Variants in FIG4 observed in about 807,000 individuals in gnomAD.
The protein encoded by FIG4 is FIG4 phosphoinositide 5-phosphatase.
In FIG4, 112 loss-of-function variants were observed where a neutral mutation model predicts 118.6. The ratio of observed to expected loss-of-function variants is 0.94; its 90% confidence interval spans 0.81 to 1.11. The LOEUF (loss-of-function observed/expected upper bound fraction) is 1.11. FIG4 is among the 50% of genes least tolerant of loss of function. The pLI is 0.00. For missense variants in FIG4, 969 were observed against 1,111.7 expected (o/e 0.87, Z 1.83); for synonymous variants, 369 against 381.2 (o/e 0.97, Z 0.37).
At chr6:109,814,993 C>T (rs1562698814) in intron 22 of FIG4, among the ~76,000 whole-genome samples, 1 of 151,840 alleles carries the variant, frequency 6.6e-6, no homozygotes, top group South Asian at 2.1e-4. Context: ...TAAGTATATA[C>T]ATGCATATCT....
chr6:109,719,035 C>A (rs1775525657), intron 3 of FIG4, among the ~76,000 whole-genome samples: 1 of 151,614 alleles, frequency 6.6e-6, no homozygotes, highest in Admixed American at 6.6e-5. Flanking sequence ...TCTCGTGCCT[C>A]AGCCTCCCGA....
At chr6:109,815,496 C>CTCCCT (rs58181285) in intron 22 of FIG4, among the ~76,000 whole-genome samples, 1 of 106,490 alleles carries the variant, frequency 9.4e-6, no homozygotes, top group Non-Finnish European at 1.7e-5. Flanking sequence ...CTCCAGGCTG[C>CTCCCT]CCCCCCCACC....
chr6:109,726,964 T>G (rs529372146), intron 3 of FIG4, 145 bp from the exon 4 acceptor site: 1 of 692,458 alleles, frequency 1.4e-6, no homozygotes, highest in South Asian at 1.7e-5. Flanking sequence ...AGAATAATCC[T>G]AAGACACCTG....
At chr6:109,695,029 G>T (rs1235803149) in intron 1 of FIG4, among the ~76,000 whole-genome samples, 2 of 152,138 alleles carry the variant, frequency 1.3e-5, no homozygotes, top group Non-Finnish European at 2.9e-5. Context: ...CAGTATGGAG[G>T]TTCCTCAAAA....
intron 15 of FIG4, among the ~76,000 whole-genome samples, chr6:109,773,030 C>T (rs1486041802): frequency 6.6e-6 from 1 of 152,296 alleles, no homozygotes; most frequent in East Asian, 1.9e-4. Context: ...GACTGATGTC[C>T]CATGTCCTTG....
chr6:109,792,739 T>G, intron 21 of FIG4, 75 bp downstream of exon 21: 1 of 281,380 alleles, frequency 3.6e-6, no homozygotes, highest in South Asian at 4.8e-5. Context: ...ACTATACCTT[T>G]TTTTTTTTTT....
At chr6:109,773,678 T>C (rs1253865008) in intron 15 of FIG4, among the ~76,000 whole-genome samples, 1 of 152,112 alleles carries the variant, frequency 6.6e-6, no homozygotes. Flanking sequence ...CTATTCTTGT[T>C]GTTTGTTTGT....
intron 10 of FIG4, among the ~76,000 whole-genome samples, chr6:109,748,440 G>A (rs2128388034): frequency 6.6e-6 from 1 of 152,204 alleles, no homozygotes; most frequent in Admixed American, 6.5e-5. Flanking sequence ...GTGGATTGCA[G>A]TCCTCACGAG....
Position 109,741,825 on chromosome 6 carries a change from A to G in FIG4, c.876+281A>G, listed in dbSNP as rs77985112. On this transcript the variant is annotated intron_variant, in intron 8 of 22. Coordinates refer to ENST00000230124, the MANE Select transcript of FIG4 (RefSeq NM_014845.6). ...TTAAATCATCTCTAGATTACTTCTA[A>G]TATCTAATATGATGTAAATGCTATG... is the stretch of plus-strand genomic sequence containing the variant. 4.0e-3 allele frequency among the ~76,000 whole-genome samples: 607 copies of G among 152,234 alleles called. 18 individuals carry two copies. In the East Asian group the frequency reaches 0.061, roughly 15 times the overall value.
intron 15 of FIG4, among the ~76,000 whole-genome samples, chr6:109,767,106 G>A (rs1369025739): frequency 1.3e-5 from 2 of 152,074 alleles, no homozygotes; most frequent in Non-Finnish European, 2.9e-5. Context: ...TTGCATTTTG[G>A]CACCCATAAT....
intron 10 of FIG4, among the ~76,000 whole-genome samples, chr6:109,751,854 A>G (rs1308561290): frequency 7.5e-6 from 1 of 134,172 alleles, no homozygotes; most frequent in Middle Eastern, 3.8e-3. Context: ...TATTATTATT[A>G]TACTTTAAGT....
chr6:109,691,751 A>G (rs945414181), intron 1 of FIG4, among the ~76,000 whole-genome samples: 3 of 152,188 alleles, frequency 2.0e-5, no homozygotes, highest in Admixed American at 6.5e-5. Flanking sequence ...CACGCTGGAA[A>G]CAGGTGCTTG....
intron 1 of FIG4, among the ~76,000 whole-genome samples, chr6:109,710,735 A>C (rs932465884): frequency 1.3e-5 from 2 of 151,786 alleles, no homozygotes; most frequent in South Asian, 4.1e-4. Flanking sequence ...GAATTTATCT[A>C]TTTCTTCTAG....
chr6:109,707,162 A>T (rs1775094213), intron 1 of FIG4, among the ~76,000 whole-genome samples: 1 of 151,930 alleles, frequency 6.6e-6, no homozygotes, highest in Admixed American at 6.6e-5. Flanking sequence ...TGTGGGATTG[A>T]ATTTCTTGAC....
chr6:109,726,961 T>C, intron 3 of FIG4, 148 bp from the exon 4 acceptor site: 1 of 680,730 alleles, frequency 1.5e-6, no homozygotes, highest in East Asian at 2.7e-5. Context: ...TAGAGAATAA[T>C]CCTAAGACAC....
rs747897411 is a variant in FIG4, at chr6:109,693,864, A to AT, written c.66+2375dup. On this transcript the variant is annotated intron_variant, in intron 1 of 22. Transcript: ENST00000230124. Reference sequence around the variant, plus strand: ...CACTGAGTCTCGGTTTTGTTAAATAATTTTTTTTTTTTGGTTAAAGATATA... The same window carrying AT: ...CACTGAGTCTCGGTTTTGTTAAATAATTTTTTTTTTTTTGGTTAAAGATATA... Among the ~76,000 whole-genome samples the AT allele has an allele frequency of 3.4e-3, 498 of 146,652 alleles. 3 individuals are homozygous for AT. The highest frequency in any genetic ancestry group is 7.0e-3 in the Middle Eastern group (2 of 286).
intron 10 of FIG4, among the ~76,000 whole-genome samples, chr6:109,757,627 A>C (rs1033418730): frequency 2.0e-5 from 3 of 152,222 alleles, no homozygotes; most frequent in Non-Finnish European, 4.4e-5. Context: ...ATCAGGCAAG[A>C]GAAAGAAATA....
intron 1 of FIG4, among the ~76,000 whole-genome samples, chr6:109,701,522 G>T (rs376298306): frequency 2.0e-5 from 3 of 152,216 alleles, no homozygotes; most frequent in African/African-American, 7.2e-5. Flanking sequence ...GTTAAAATTG[G>T]TAGCTAAACA....
At chr6:109,820,465 A>G (rs1480546569) in intron 22 of FIG4, among the ~76,000 whole-genome samples, 4 of 152,156 alleles carry the variant, frequency 2.6e-5, no homozygotes, top group Admixed American at 6.5e-5. Flanking sequence ...CATCTGCAGT[A>G]TGCGTTGTCT....
Sources: gnomAD v4.1 joint callset for allele counts (sites outside exome capture counted in the v4.1 genomes callset) on GRCh38, gnomAD v4.1.1 for gene constraint, MANE v1.5 for transcripts, NCBI Gene and HGNC (gene_info 2026-07-23, HGNC 2026-07-21) for gene names.